The following AARS2 variants were observed in gnomAD, a reference collection of about 807,000 sequenced individuals.
The protein encoded by AARS2 is alanine--tRNA ligase, mitochondrial.
A neutral mutation model predicts 119.7 loss-of-function variants in AARS2; 78 were observed. The observed-to-expected ratio is 0.65, with a 90% CI of 0.54 to 0.79. The LOEUF is 0.79. AARS2 is among the 30% of genes least tolerant of loss of function. The pLI, the probability that AARS2 is intolerant of heterozygous loss-of-function variation, is 0.00. For synonymous variants in AARS2, 502 were observed against 526.3 expected (o/e 0.95, Z 0.63); for missense variants, 1,157 against 1,291.3 (o/e 0.90, Z 1.59).
At position 44,313,245 on chromosome 6, in the gene AARS2, G is replaced by A. The variant is rs779924197; in HGVS notation, c.79C>T (p.His27Tyr). Residue 27 changes from histidine to tyrosine, a missense_variant, in exon 1 of 22, where the codon CAT becomes TAT. Physicochemically the swap from His to Tyr is moderately conservative, Grantham distance 83. Transcript: ENST00000244571. Reference protein sequence around the residue: ...RRSPAWRGLSHRPLSSEPPAA... With the variant: ...RRSPAWRGLSYRPLSSEPPAA... ...GGGGGCTCCGATGAGAGCGGCCGAT[G>A]GCTGAGGCCCCGCCATGCGGGCGAC... 1 of 1,582,474 alleles carries A rather than the reference G, an allele frequency of 6.3e-7. No homozygotes were observed. The highest frequency in any genetic ancestry group is 1.8e-5 in the Admixed American group (1 of 55,926).
In AARS2 at chr6:44,311,588, C is replaced by G. The variant is rs569390176; in HGVS notation, c.436-53G>C. ...GGGGGAAGACGGGTGAGAGGGAGAC[C>G]CCACTGAAGTAATCAAGCCACATGA... On this transcript the variant is annotated intron_variant, in intron 2 of 21. Transcript: ENST00000244571. The G allele has an allele frequency of 1.9e-6, 3 of 1,599,992 alleles. No individual in the cohort carries two copies. In the East Asian group the frequency reaches 6.7e-5, roughly 36 times the overall value.
chr6:44,305,926 CT>C lies in AARS2; in HGVS notation c.1301-141del. ...AAATACCCGCTCCATACTGGGTAGC[CT>C]CAGGAGAGGGGTCACATTCAGGCTT... On this transcript the variant is annotated intron_variant, in intron 9 of 21. Transcript: ENST00000244571. The surrounding 1 kb of genome is among the most constrained non-coding windows in gnomAD (Gnocchi z 4.6). The C allele has an allele frequency of 1.9e-6, 2 of 1,070,140 alleles. No individual in the cohort carries two copies. Among genetic ancestry groups the C allele is most frequent in the South Asian group, 2.9e-5 (2 of 69,392 alleles). 66.3% of individuals were successfully genotyped at this position (1,070,140 alleles called of 1,614,324 possible).
At chr6:44,312,469 A>C (rs1266238589) in intron 1 of AARS2, among the ~76,000 whole-genome samples, 3 of 152,182 alleles carry the variant, frequency 2.0e-5, no homozygotes, top group Non-Finnish European at 2.9e-5. Context: ...GAGGTAAACA[A>C]ATCATGAACC....
At chr6:44,306,440 T>G in intron 8 of AARS2, 49 bp from the exon 9 acceptor site, 1 of 1,613,630 alleles carries the variant, frequency 6.2e-7, no homozygotes. Context: ...GGAAGGAGGG[T>G]CTCTCTCCAC....
Position 44,305,520 on chromosome 6 carries a change from C to A in AARS2, c.1434+133G>T. The A allele has an allele frequency of 7.0e-7, 1 of 1,424,680 alleles. No individual in the cohort carries two copies. The highest frequency in any genetic ancestry group is 1.9e-5 in the Admixed American group (1 of 52,360). The allele number at this position is 1,424,680 out of a possible 1,614,324, so 88.3% of individuals were successfully genotyped here. On this transcript the variant is annotated intron_variant, in intron 10 of 21. Coordinates refer to ENST00000244571, the MANE Select transcript of AARS2 (RefSeq NM_020745.4). The surrounding 1 kb of genome is among the most constrained non-coding windows in gnomAD (Gnocchi z 4.6). ...TGGTTGTGGCCTGAGGTTTTAGAAA[C>A]CTCCCAGGTGAGGGGACAGATCCTA... is the stretch of plus-strand genomic sequence containing the variant.
In AARS2 at chr6:44,303,200, G is replaced by A. The variant is rs1425228172; in HGVS notation, c.2146-25C>T. On this transcript the variant is annotated intron_variant, in intron 15 of 21. Coordinates refer to ENST00000244571, the MANE Select transcript of AARS2 (RefSeq NM_020745.4). ...CCTGAGGTCAAGAGGGGACAGGCCC[G>A]TTAACTGCCAAAGGAGAAGGATAAA... The A allele has an allele frequency of 3.1e-6, 5 of 1,613,898 alleles. No individual in the cohort carries two copies. In the African/African-American group the frequency reaches 4.0e-5, roughly 13 times the overall value.
rs1785198343 is a variant in AARS2, at chr6:44,299,636, G to C, written c.*911C>G. The C allele has an allele frequency of 6.6e-6, 1 of 152,048 alleles. No individual in the cohort carries two copies. Among genetic ancestry groups the C allele is most frequent in the Admixed American group, 6.6e-5 (1 of 15,266 alleles). The allele number at this position is 152,048 out of a possible 1,614,324, so 9.4% of individuals were successfully genotyped here. A position where few individuals can be genotyped will look rare whatever the true frequency, so the allele number is the denominator to read the frequency against. On this transcript the variant is annotated 3_prime_UTR_variant, in exon 22 of 22. Coordinates refer to ENST00000244571, the MANE Select transcript of AARS2 (RefSeq NM_020745.4). The stretch of plus-strand genomic sequence containing the variant: ...CATGAAGGAAGGAACTGTCAGTTTA[G>C]TGCCCGCCACGTTCTCAGTTGCTCA...
Position 44,300,382 on chromosome 6 carries a change from A to G in AARS2, c.*165T>C. ...GGCCCAGTTCTGCCTTCCCTAGCCC[A>G]TGTCTCCTTGTGTCACGTAGGCCCT... On this transcript the variant is annotated 3_prime_UTR_variant, in exon 22 of 22. Transcript: ENST00000244571. The G allele has an allele frequency of 1.0e-6, 1 of 959,606 alleles. No individual in the cohort carries two copies. The highest frequency in any genetic ancestry group is 2.9e-4 in the Middle Eastern group (1 of 3,480). 59.4% of individuals were successfully genotyped at this position (959,606 alleles called of 1,614,324 possible). A position where few individuals can be genotyped will look rare whatever the true frequency, so the allele number is the denominator to read the frequency against.
At chr6:44,309,017 A>G (rs1173982838) in intron 5 of AARS2, among the ~76,000 whole-genome samples, 1 of 152,198 alleles carries the variant, frequency 6.6e-6, no homozygotes, top group Non-Finnish European at 1.5e-5. Context: ...GCCCTTTCCT[A>G]GGCATATGCC....
At chr6:44,310,750 AGATCATCAAGTTCAACTCGTT>A (rs1420081119) in intron 4 of AARS2, among the ~76,000 whole-genome samples, 16 of 152,196 alleles carry the variant, frequency 1.1e-4, no homozygotes, top group Admixed American at 1.0e-3. Context: ...AGAAAATCTG[AGATCATCAAGTTCAACTCGTT>A]GATCATCAAG....
rs41282670 is a variant in AARS2 at position 44,307,458 on chromosome 6, G to A, written c.895-64C>T. 29 of 1,539,144 alleles carry A rather than the reference G, an allele frequency of 1.9e-5. No individual in the cohort carries two copies. Among genetic ancestry groups the A allele is most frequent in the South Asian group, 4.7e-5 (4 of 84,228 alleles). On this transcript the variant is annotated intron_variant, in intron 5 of 21. Coordinates refer to ENST00000244571, the MANE Select transcript of AARS2 (RefSeq NM_020745.4). This position sits in a 1 kb window ranked among gnomAD's most constrained non-coding sequence, Gnocchi z 4.4. ...CTGGCCCAGGTGGGTGCTCTTTATC[G>A]CCTCTAGAGCATCTGCCCTCAGCCC...
chr6:44,305,010 G>A lies in AARS2; in HGVS notation c.1579+44C>T. ...CATCTTGGACATTCTTCTTAGTCAT[G>A]GTCAGGCAAGCTTGTGGCGGCAGGC... is the stretch of plus-strand genomic sequence containing the variant. On this transcript the variant is annotated intron_variant, in intron 11 of 21. Transcript: ENST00000244571. This position sits in a 1 kb window ranked among gnomAD's most constrained non-coding sequence, Gnocchi z 4.6. 1 of 1,614,040 alleles carries A rather than the reference G, an allele frequency of 6.2e-7. No homozygotes were observed. The highest frequency in any genetic ancestry group is 8.5e-7 in the Non-Finnish European group (1 of 1,179,946).
intron 1 of AARS2, 108 bp downstream of exon 1, chr6:44,312,973 C>G (rs1786499226): frequency 6.5e-7 from 1 of 1,531,608 alleles, no homozygotes; most frequent in African/African-American, 1.4e-5. Flanking sequence ...CCCTCTTTCC[C>G]CAAAAGCTAC....
chr6:44,304,566 C>T, intron 12 of AARS2, 33 bp from the exon 13 acceptor site: 1 of 1,614,082 alleles, frequency 6.2e-7, no homozygotes, highest in South Asian at 1.1e-5. Context: ...GTGCCTGTAG[C>T]CTTTCCCTCC....
In AARS2 at chr6:44,303,146, T is replaced by C. The variant is rs777436220; in HGVS notation, c.2175A>G (p.Ser725=). 12 of 1,614,158 alleles carry C rather than the reference T, an allele frequency of 7.4e-6. No homozygotes were observed. The highest frequency in any genetic ancestry group is 1.7e-5 in the Admixed American group (1 of 60,016). ...ATGCATGGGCCACGGGCACCCCCAC[T>C]GATACCACCCGCACAGGGTCTGGGT... ...EVYPDPVRVV[S]VGVPVAHALD... is the part of the protein sequence containing the mutation. Residue 725 remains serine (S), a synonymous_variant, in exon 16 of 22, where the codon TCA becomes TCG. Transcript: ENST00000244571.
intron 17 of AARS2, 138 bp downstream of exon 17, chr6:44,302,664 A>G (rs1785457373): frequency 6.1e-6 from 9 of 1,465,816 alleles, no homozygotes; most frequent in Non-Finnish European, 8.4e-6. Context: ...CCAGCTGCCA[A>G]TAGCTGATAT....
Position 44,310,910 on chromosome 6 carries a change from T to C in AARS2, c.749+84A>G, listed in dbSNP as rs1469793843. 4.5e-6 allele frequency: 7 copies of C among 1,564,844 alleles called. No homozygotes were observed. In the African/African-American group the frequency reaches 6.8e-5, roughly 15 times the overall value. On this transcript the variant is annotated intron_variant, in intron 4 of 21. Transcript: ENST00000244571. Reference sequence around the variant, plus strand: ...TAAGCACCGTTTACATGTTTGTTTTTATATGAAACAGATCAAAGTCTTCTA... The same window carrying C: ...TAAGCACCGTTTACATGTTTGTTTTCATATGAAACAGATCAAAGTCTTCTA...
Position 44,311,378 on chromosome 6 carries a change from G to C in AARS2, c.581+12C>G. The C allele has an allele frequency of 1.2e-6, 2 of 1,614,138 alleles. No individual in the cohort carries two copies. Among genetic ancestry groups the C allele is most frequent in the Middle Eastern group, 1.7e-4 (1 of 6,060 alleles). On this transcript the variant is annotated intron_variant, in intron 3 of 21. Coordinates refer to ENST00000244571, the MANE Select transcript of AARS2 (RefSeq NM_020745.4). ...ACCTCCAGGAATGAACATAAGAAGG[G>C]GGCTGACTTACCCTAAGCTCAGCCA...
At position 44,305,234 on chromosome 6, in the gene AARS2, GAGAATGAA is replaced by G. The variant is rs1302492976; in HGVS notation, c.1435-44_1435-37del. The G allele has an allele frequency of 1.9e-6, 3 of 1,605,570 alleles. No individual in the cohort carries two copies. Among genetic ancestry groups the G allele is most frequent in the Non-Finnish European group, 2.5e-6 (3 of 1,179,944 alleles). On this transcript the variant is annotated intron_variant, in intron 10 of 21. Transcript: ENST00000244571. The surrounding 1 kb of genome is among the most constrained non-coding windows in gnomAD (Gnocchi z 4.6). ...GGCATGGGCATGGAAGAAGTGCATG[GAGAATGAA>G]AGAATGAAAGTGGGACTTCAGCCTC...
Sources: allele counts gnomAD v4.1 joint callset (sites outside exome capture counted in the v4.1 genomes callset), GRCh38; gene constraint gnomAD v4.1.1; non-coding constraint Gnocchi (gnomAD v3.1); transcripts MANE v1.5; gene names NCBI Gene and HGNC (gene_info 2026-07-23, HGNC 2026-07-21).